Variants in SAMD4A observed in about 807,000 individuals in gnomAD.
SAMD4A encodes protein Smaug homolog 1.
Under a neutral mutation model 81.3 loss-of-function variants are expected in SAMD4A, and 33 were observed. That is an observed-to-expected ratio of 0.41 (90% CI 0.31 to 0.54). The LOEUF is 0.54. SAMD4A is among the 20% of genes least tolerant of loss of function. The pLI is 0.37. For synonymous variants in SAMD4A, 389 were observed against 382.1 expected (o/e 1.02, Z -0.21); for missense variants, 854 against 951.1 (o/e 0.90, Z 1.34).
At chr14:54,641,706 G>GT (rs1254892024) in intron 2 of SAMD4A, among the ~76,000 whole-genome samples, 1 of 152,164 alleles carries the variant, frequency 6.6e-6, no homozygotes, top group Non-Finnish European at 1.5e-5. Context: ...GTCCAGTATA[G>GT]TTTTTTTCTA....
At chr14:54,634,299 G>GA (rs1229372398) in intron 2 of SAMD4A, among the ~76,000 whole-genome samples, 1 of 105,248 alleles carries the variant, frequency 9.5e-6, no homozygotes, top group African/African-American at 3.8e-5. Flanking sequence ...GGGGTGGGGG[G>GA]AGGGGGGAAG....
intron 3 of SAMD4A, among the ~76,000 whole-genome samples, chr14:54,728,678 C>A (rs1193947553): frequency 1.3e-5 from 2 of 152,172 alleles, no homozygotes; most frequent in Non-Finnish European, 2.9e-5. Flanking sequence ...TGTTCTCCTC[C>A]TTTTATCAAG....
chr14:54,616,895 T>G (rs1454030414), intron 2 of SAMD4A, among the ~76,000 whole-genome samples: 1 of 152,230 alleles, frequency 6.6e-6, no homozygotes, highest in Non-Finnish European at 1.5e-5. Flanking sequence ...GAAGAAATAC[T>G]GTCCTTTAAT....
intron 2 of SAMD4A, among the ~76,000 whole-genome samples, chr14:54,622,627 G>T (rs927912792): frequency 6.6e-6 from 1 of 152,220 alleles, no homozygotes; most frequent in Non-Finnish European, 1.5e-5. Flanking sequence ...GAGGACTCCT[G>T]CCCCTGGATA....
At chr14:54,700,459 G>A (rs2140732272) in intron 2 of SAMD4A, among the ~76,000 whole-genome samples, 1 of 152,314 alleles carries the variant, frequency 6.6e-6, no homozygotes, top group South Asian at 2.1e-4. Flanking sequence ...AAGCATTGCA[G>A]CACAGGCTGA....
intron 2 of SAMD4A, among the ~76,000 whole-genome samples, chr14:54,648,353 C>T (rs2035329715): frequency 6.6e-6 from 1 of 152,132 alleles, no homozygotes; most frequent in African/African-American, 2.4e-5. Flanking sequence ...TGGCAGCCAA[C>T]TTATTGTGGG....
At chr14:54,687,988 G>C (rs900519294) in intron 2 of SAMD4A, 3 of 985,744 alleles carry the variant, frequency 3.0e-6, no homozygotes, top group African/African-American at 1.7e-5. Flanking sequence ...ATGATGAGCT[G>C]TGCCCAGTGG....
intron 2 of SAMD4A, among the ~76,000 whole-genome samples, chr14:54,626,936 G>T (rs2140323854): frequency 6.6e-6 from 1 of 152,252 alleles, no homozygotes; most frequent in South Asian, 2.1e-4. Flanking sequence ...TTATTTGACT[G>T]GGTAAGTGGG....
intron 2 of SAMD4A, among the ~76,000 whole-genome samples, chr14:54,641,399 T>A (rs913577415): frequency 2.6e-5 from 4 of 152,256 alleles, no homozygotes; most frequent in African/African-American, 9.6e-5. Context: ...CTAGTCTTAT[T>A]TGAAACTCAT....
At position 54,737,150 on chromosome 14, in the gene SAMD4A, C is replaced by A. The variant is rs200951913; in HGVS notation, c.842C>A (p.Pro281His). Residue 281 changes from proline to histidine, a missense_variant, in exon 4 of 13, where the codon CCC becomes CAC. Physicochemically the swap from Pro to His is moderately conservative, Grantham distance 77. Around this residue, in one of 3 missense-constraint regions of SAMD4A, gnomAD observed 387 missense variants for 405.8 expected, o/e 0.95. Transcript: ENST00000554335. Reference sequence around the variant, plus strand: ...CATGAGGACTTACGAGCTAGAGGACCCCAGTGCCTCCCATCCGATCATGCC... The same window carrying A: ...CATGAGGACTTACGAGCTAGAGGACACCAGTGCCTCCCATCCGATCATGCC... Reference protein sequence around the residue: ...MSHEDLRARGPQCLPSDHAPL... With the variant: ...MSHEDLRARGHQCLPSDHAPL... The A allele has an allele frequency of 1.9e-6, 3 of 1,613,916 alleles. No individual in the cohort carries two copies. The highest frequency in any genetic ancestry group is 2.5e-6 in the Non-Finnish European group (3 of 1,180,014).
At chr14:54,727,955 C>T (rs958320411) in intron 3 of SAMD4A, among the ~76,000 whole-genome samples, 5 of 152,172 alleles carry the variant, frequency 3.3e-5, no homozygotes, top group Admixed American at 3.3e-4. Context: ...CTCCTGATCA[C>T]CCTCACAGCC....
At chr14:54,690,296 A>AGG (rs1433007175) in intron 2 of SAMD4A, among the ~76,000 whole-genome samples, 3 of 152,146 alleles carry the variant, frequency 2.0e-5, no homozygotes, top group African/African-American at 7.2e-5. Context: ...TAGGAGCAGG[A>AGG]GGGGGAGGGT....
At chr14:54,655,648 G>A (rs1413296879) in intron 2 of SAMD4A, among the ~76,000 whole-genome samples, 1 of 152,190 alleles carries the variant, frequency 6.6e-6, no homozygotes, top group African/African-American at 2.4e-5. Context: ...TGAGGCAGGA[G>A]AATCCCTTGA....
intron 4 of SAMD4A, among the ~76,000 whole-genome samples, chr14:54,737,780 C>G (rs2037738224): frequency 6.6e-6 from 1 of 151,564 alleles, no homozygotes; most frequent in South Asian, 2.1e-4. Flanking sequence ...CTCCTCTTCT[C>G]TTTGATATCC....
Position 54,748,903 on chromosome 14 carries a change from C to T in SAMD4A, c.1068C>T (p.Thr356=), listed in dbSNP as rs778900217. 3.0e-5 allele frequency: 46 copies of T among 1,553,380 alleles called. No individual in the cohort carries two copies. The highest frequency in any genetic ancestry group is 1.7e-4 in the Middle Eastern group (1 of 5,996). The change falls in exon 5 of 13, where the codon ACC becomes ACT. Residue 356 remains threonine (T), a synonymous_variant. Transcript: ENST00000554335. ...QMTYEEMMAL[T]ECQLEAQNVT... The stretch of plus-strand genomic sequence containing the variant: ...CCTATGAGGAGATGATGGCCCTCAC[C>T]GAGTGCCAGCTGGAGGCGCAGGTAT...
At chr14:54,578,424 T>C (rs1406244013) in intron 2 of SAMD4A, among the ~76,000 whole-genome samples, 3 of 152,058 alleles carry the variant, frequency 2.0e-5, no homozygotes, top group Non-Finnish European at 4.4e-5. Context: ...TTTTAAAAGT[T>C]TTCTTGGTGG....
chr14:54,672,134 A>T lies in SAMD4A; in HGVS notation c.197-29928A>T, dbSNP rs2035898331. ...GAGATGGGGTCTTGCCTTGTTGCCC[A>T]GGCTGGACTGGAACCCCTGGGTTCA... On this transcript the variant is annotated intron_variant, in intron 2 of 12. Coordinates refer to ENST00000554335, the MANE Select transcript of SAMD4A (RefSeq NM_015589.6). Among the ~76,000 whole-genome samples, 4 of 148,528 alleles carry T rather than the reference A, an allele frequency of 2.7e-5. No individual in the cohort carries two copies. The South Asian group carries it at 8.4e-4, about 31-fold the overall frequency.
At chr14:54,706,280 C>CAAAA (rs112193724) in intron 3 of SAMD4A, among the ~76,000 whole-genome samples, 11 of 110,350 alleles carry the variant, frequency 1.0e-4, no homozygotes, top group South Asian at 3.5e-4. Flanking sequence ...GACTTAGTCT[C>CAAAA]AAAAAAAAAA....
intron 12 of SAMD4A, among the ~76,000 whole-genome samples, chr14:54,785,147 C>A (rs547311541): frequency 1.3e-5 from 2 of 152,396 alleles, no homozygotes; most frequent in African/African-American, 4.8e-5. Context: ...TTTCTTGACA[C>A]CTGGAGCCCA....
Sources: allele counts gnomAD v4.1 joint callset (sites outside exome capture counted in the v4.1 genomes callset), GRCh38; gene constraint gnomAD v4.1.1; regional missense constraint gnomAD v4.1.1; transcripts MANE v1.5; gene names NCBI Gene and HGNC (gene_info 2026-07-23, HGNC 2026-07-21).